The following ANKRD36 variants were observed in gnomAD, a reference collection of about 807,000 sequenced individuals.
ANKRD36 encodes ankyrin repeat domain 36, also known as ankyrin repeat domain-containing protein 36A.
Under a neutral mutation model 278.1 loss-of-function variants are expected in ANKRD36, and 179 were observed. The observed-to-expected ratio is 0.64, with a 90% CI of 0.57 to 0.73. The LOEUF (loss-of-function observed/expected upper bound fraction) is 0.73, where lower values mean the gene tolerates loss of function less well. Ranked by LOEUF, ANKRD36 falls within the 30% of genes least tolerant of loss-of-function variation. ANKRD36 has a pLI of 0.00. For synonymous variants in ANKRD36, 320 were observed against 641.1 expected (o/e 0.50, Z 7.57); for missense variants, 1,159 against 1,956.7 (o/e 0.59, Z 7.69).
chr2:97,205,871 C>G, intron 50 of ANKRD36, 69 bp from the exon 51 acceptor site: 7 of 1,489,650 alleles, frequency 4.7e-6, no homozygotes, highest in Non-Finnish European at 6.3e-6. Context: ...GATGCTAACT[C>G]TGCTTGAATG....
chr2:97,179,424 T>G (rs1446142879), intron 22 of ANKRD36, among the ~76,000 whole-genome samples: 1 of 151,690 alleles, frequency 6.6e-6, no homozygotes, highest in African/African-American at 2.4e-5. Context: ...ACTCTGATTT[T>G]AGATCACATT....
At chr2:97,150,872 G>GTT (rs1169363976) in intron 12 of ANKRD36, among the ~76,000 whole-genome samples, 15 of 33,964 alleles carry the variant, frequency 4.4e-4, no homozygotes, top group African/African-American at 1.2e-3. Context: ...GAATTTTATT[G>GTT]TTTTTTTTTT....
intron 30 of ANKRD36, among the ~76,000 whole-genome samples, chr2:97,186,952 T>C (rs1023650575): frequency 2.0e-5 from 3 of 151,940 alleles, no homozygotes; most frequent in Non-Finnish European, 4.4e-5. Context: ...CACTGATTTA[T>C]TTTTCTTTTA....
In ANKRD36 at chr2:97,200,524, A is replaced by G. The variant is rs1164534237; in HGVS notation, c.2856A>G (p.Lys952=). Residue 952 remains lysine, a splice_region_variant and synonymous_variant, in exon 46 of 76, where the codon AAA becomes AAG. Transcript: ENST00000420699. ...AAAAGGATGGAGAAATATCTAGGAAAGGTAATTTTGCGAAACACATTTAAT... is the reference window on the plus strand; with the variant it reads ...AAAAGGATGGAGAAATATCTAGGAAGGGTAATTTTGCGAAACACATTTAAT... ...REKKDGEISR[K]VSSQKPPALK... 6.4e-7 allele frequency: 1 copy of G among 1,556,094 alleles called. No homozygotes were observed. The highest frequency in any genetic ancestry group is 8.7e-7 in the Non-Finnish European group (1 of 1,155,492).
At chr2:97,197,190 T>G (rs1477521459) in intron 42 of ANKRD36, among the ~76,000 whole-genome samples, 3 of 151,886 alleles carry the variant, frequency 2.0e-5, no homozygotes, top group Admixed American at 6.6e-5. Flanking sequence ...CCGTACACAC[T>G]GTAGGAGAAC....
At chr2:97,157,318 G>C (rs1413510178) in intron 15 of ANKRD36, among the ~76,000 whole-genome samples, 1 of 150,870 alleles carries the variant, frequency 6.6e-6, no homozygotes, top group Non-Finnish European at 1.5e-5. Flanking sequence ...ATGAACACAA[G>C]CTTTTCTTTT....
chr2:97,216,901 G>C, intron 62 of ANKRD36: 1 of 761,766 alleles, frequency 1.3e-6, no homozygotes, highest in Non-Finnish European at 2.1e-6. Flanking sequence ...TCATCACTCA[G>C]CATATCCACG....
At chr2:97,229,522 T>G (rs1231574074) in intron 67 of ANKRD36, among the ~76,000 whole-genome samples, 2 of 152,106 alleles carry the variant, frequency 1.3e-5, no homozygotes, top group African/African-American at 4.8e-5. Context: ...ATTTTGAGTC[T>G]ATGTGTGTCT....
intron 42 of ANKRD36, among the ~76,000 whole-genome samples, chr2:97,197,795 T>A (rs1279277723): frequency 1.3e-5 from 2 of 151,878 alleles, no homozygotes; most frequent in African/African-American, 4.8e-5. Flanking sequence ...TAAGATACTA[T>A]CCTTTGGTGC....
Position 97,206,713 on chromosome 2 carries a change from T to C in ANKRD36, c.3163+578T>C, listed in dbSNP as rs533776864. ...GAATATTTTAATAAAAAGTACTTGA[T>C]TTTGGCTGCTTCAGGAACTGCTGGA... On this transcript the variant is annotated intron_variant, in intron 52 of 75. Transcript: ENST00000420699. 5.3e-5 allele frequency among the ~76,000 whole-genome samples: 8 copies of C among 151,590 alleles called. No homozygotes were observed. The East Asian group carries it at 1.4e-3, about 26-fold the overall frequency.
intron 36 of ANKRD36, 123 bp downstream of exon 36, chr2:97,191,304 C>G (rs2058466810): frequency 2.5e-6 from 3 of 1,188,356 alleles, no homozygotes; most frequent in Non-Finnish European, 3.4e-6. Context: ...TCCTGAGATT[C>G]TTCATTTGCA....
intron 58 of ANKRD36, chr2:97,213,169 G>C (rs1442582178): frequency 8.5e-6 from 2 of 235,758 alleles, no homozygotes; most frequent in African/African-American, 4.8e-5. Flanking sequence ...TATTGACACG[G>C]TTTTATTTTA....
At chr2:97,260,488 G>A (rs566250783) in intron 75 of ANKRD36, among the ~76,000 whole-genome samples, 212 of 133,764 alleles carry the variant, frequency 1.6e-3, no homozygotes, top group African/African-American at 5.5e-3. Flanking sequence ...TAAGATATTT[G>A]GTAAACCATA....
intron 75 of ANKRD36, among the ~76,000 whole-genome samples, chr2:97,262,815 G>A (rs1400404866): frequency 1.5e-5 from 2 of 135,662 alleles, no homozygotes; most frequent in East Asian, 3.3e-4. Flanking sequence ...TGTCATACCC[G>A]TTGTCTCTTC....
At chr2:97,182,935 G>T (rs1331549278) in intron 26 of ANKRD36, among the ~76,000 whole-genome samples, 1 of 151,544 alleles carries the variant, frequency 6.6e-6, no homozygotes, top group Non-Finnish European at 1.5e-5. Flanking sequence ...AGCTGTTGAG[G>T]CTGGGCCACT....
At chr2:97,205,565 G>A (rs1214738758) in intron 50 of ANKRD36, among the ~76,000 whole-genome samples, 2 of 151,632 alleles carry the variant, frequency 1.3e-5, no homozygotes, top group East Asian at 1.9e-4. Context: ...TTTGTTGTGT[G>A]AAAGACATGT....
At chr2:97,146,250 A>G (rs2044221181) in intron 10 of ANKRD36, among the ~76,000 whole-genome samples, 1 of 148,826 alleles carries the variant, frequency 6.7e-6, no homozygotes, top group Non-Finnish European at 1.5e-5. Context: ...TACAGGTGTG[A>G]CCCACCGAGC....
chr2:97,178,099 A>C (rs917270863), intron 22 of ANKRD36, among the ~76,000 whole-genome samples: 2 of 150,964 alleles, frequency 1.3e-5, no homozygotes, highest in Admixed American at 6.7e-5. Context: ...ACTGGCCATC[A>C]GAGAAATGCA....
chr2:97,258,147 TTTC>T (rs1343328639), intron 75 of ANKRD36, among the ~76,000 whole-genome samples: 1 of 144,968 alleles, frequency 6.9e-6, no homozygotes, highest in Non-Finnish European at 1.5e-5. Flanking sequence ...TTATGTGTTT[TTTC>T]TTACTATTTA....
Sources: gnomAD v4.1 joint callset for allele counts (sites outside exome capture counted in the v4.1 genomes callset) on GRCh38, gnomAD v4.1.1 for gene constraint, MANE v1.5 for transcripts, NCBI Gene and HGNC (gene_info 2026-07-23, HGNC 2026-07-21) for gene names.